The following CLDN19 variants were observed in gnomAD, a reference collection of about 807,000 sequenced individuals.
CLDN19 encodes the protein claudin 19.
In CLDN19, 19 loss-of-function variants were observed where a neutral mutation model predicts 24.5. The observed-to-expected ratio is 0.78, with a 90% CI of 0.54 to 1.14. The LOEUF (loss-of-function observed/expected upper bound fraction) is 1.14. Ranked by LOEUF, CLDN19 falls within the 50% of genes most tolerant of loss-of-function variation. The pLI, the probability that CLDN19 is intolerant of heterozygous loss-of-function variation, is 0.00. For missense variants in CLDN19, 250 were observed against 295.9 expected (o/e 0.84, Z 1.14); for synonymous variants, 117 against 129.6 (o/e 0.90, Z 0.66).
Position 42,740,048 on chromosome 1 carries a change from G to A in CLDN19, c.16C>T (p.Leu6Phe). 6.4e-7 allele frequency: 1 copy of A among 1,554,448 alleles called. No homozygotes were observed. Among genetic ancestry groups the A allele is most frequent in the South Asian group, 1.2e-5 (1 of 84,494 alleles). MANSG[L>F]QLLGYFLALG... ...GCCAAGAAGTAGCCCAGGAGCTGGA[G>A]GCCTGAGTTGGCCATGGCCCAGGAG... The change falls in exon 1 of 5, where the codon CTC becomes TTC. Residue 6 changes from leucine (L) to phenylalanine (F), a missense_variant. Transcript: ENST00000296387.
In CLDN19 at chr1:42,739,861, T is replaced by G. The variant is rs1434953393; in HGVS notation, c.203A>C (p.Asp68Ala). 1 of 1,612,680 alleles carries G rather than the reference T, an allele frequency of 6.2e-7. No homozygotes were observed. Among genetic ancestry groups the G allele is most frequent in the Non-Finnish European group, 8.5e-7 (1 of 1,179,802 alleles). ...CCTACCGTCCAGGGCGAGCAGCGAG[T>G]CGTAGAGCTTGCACTGCACTTGCCC... ...STGQVQCKLY[D>A]SLLALDGHIQ... The change falls in exon 1 of 5, where the codon GAC (aspartate) becomes GCC (alanine). Residue 68 changes from aspartate (D) to alanine (A), a missense_variant. By Grantham distance (126) the Asp-to-Ala change is moderately radical. Transcript: ENST00000296387.
chr1:42,735,289 G>A (rs1005324205), intron 4 of CLDN19, 155 bp from the exon 5 acceptor site: 13 of 1,523,140 alleles, frequency 8.5e-6, no homozygotes, highest in Non-Finnish European at 1.1e-5. Context: ...GGGGGCAGGG[G>A]CGCCATGGTC....
At chr1:42,736,421 C>A (rs574067071) in intron 3 of CLDN19, among the ~76,000 whole-genome samples, 1 of 152,238 alleles carries the variant, frequency 6.6e-6, no homozygotes, top group East Asian at 1.9e-4. Context: ...GAACTCCCAG[C>A]CAAGACTGCT....
chr1:42,735,275 T>A, intron 4 of CLDN19, 141 bp from the exon 5 acceptor site: 1 of 1,535,660 alleles, frequency 6.5e-7, no homozygotes. Context: ...TGGGGCCCAT[T>A]CCCGGGGGCA....
At position 42,739,934 on chromosome 1, in the gene CLDN19, C is replaced by G; in HGVS notation, c.130G>C (p.Val44Leu). 1 of 1,611,212 alleles carries G rather than the reference C, an allele frequency of 6.2e-7. No homozygotes were observed. The highest frequency in any genetic ancestry group is 1.1e-5 in the South Asian group (1 of 90,490). The change falls in exon 1 of 5, where the codon GTG becomes CTG. Residue 44 changes from valine (V) to leucine (L), a missense_variant. Coordinates refer to ENST00000296387, the MANE Select transcript of CLDN19 (RefSeq NM_148960.3). ...SYAGDAIITAVGLYEGLWMSC... is the reference protein window; with the variant it reads ...SYAGDAIITALGLYEGLWMSC... ...ATCCAGAGCCCTTCATAGAGGCCCA[C>G]GGCAGTGATGATGGCGTCGCCTGCG...
At chr1:42,737,073 T>C (rs539114871) in intron 3 of CLDN19, among the ~76,000 whole-genome samples, 31 of 152,362 alleles carry the variant, frequency 2.0e-4, no homozygotes, top group African/African-American at 7.0e-4. Context: ...TTGGGATGTC[T>C]AGGGTTAAGA....
intron 3 of CLDN19, among the ~76,000 whole-genome samples, chr1:42,737,610 G>A (rs1646421524): frequency 6.6e-6 from 1 of 152,240 alleles, no homozygotes; most frequent in South Asian, 2.1e-4. Flanking sequence ...CCATTTCACA[G>A]AGGAGGAAAC....
intron 1 of CLDN19, 119 bp downstream of exon 1, chr1:42,739,722 T>A (rs372216844): frequency 2.4e-6 from 2 of 847,528 alleles, no homozygotes; most frequent in East Asian, 5.3e-5. Flanking sequence ...GTGGGGGAAT[T>A]GTAGAGCGGA....
At chr1:42,738,967 C>T (rs2124047113) in intron 1 of CLDN19, among the ~76,000 whole-genome samples, 1 of 152,212 alleles carries the variant, frequency 6.6e-6, no homozygotes, top group East Asian at 1.9e-4. Flanking sequence ...ATCTGAGGCC[C>T]AGCTCAACTC....
chr1:42,735,530 C>T (rs1487739799), intron 4 of CLDN19: 40 of 1,417,150 alleles, frequency 2.8e-5, no homozygotes, highest in Admixed American at 5.8e-5. Context: ...GGGCCCAGCA[C>T]GTAGCAGACA....
intron 4 of CLDN19, 146 bp downstream of exon 4, chr1:42,735,729 GTGC>G: frequency 6.8e-7 from 1 of 1,472,486 alleles, no homozygotes. Context: ...TGCAGGGTGG[GTGC>G]TTGTGTTGAG....
Position 42,738,101 on chromosome 1 carries a change from C to T in CLDN19, c.473+128G>A, listed in dbSNP as rs1213152313. 9.3e-5 allele frequency: 79 copies of T among 849,874 alleles called. 2 individuals carry two copies. Among genetic ancestry groups the T allele is most frequent in the South Asian group, 5.5e-4 (39 of 71,072 alleles). The allele number at this position is 849,874 out of a possible 1,614,324, so 52.6% of individuals were successfully genotyped here. Reference sequence around the variant, plus strand: ...GAGGGCCCCACCACACTCCTCCTGGCGCCCCCCTTTAAAGCTTCTTGGACA... The same window carrying T: ...GAGGGCCCCACCACACTCCTCCTGGTGCCCCCCTTTAAAGCTTCTTGGACA... On this transcript the variant is annotated intron_variant, in intron 3 of 4. Transcript: ENST00000296387.
At position 42,734,815 on chromosome 1, in the gene CLDN19, T is replaced by C. The variant is rs1651300144; in HGVS notation, c.*271A>G. The C allele has an allele frequency of 1.6e-5, 7 of 439,512 alleles. No individual in the cohort carries two copies. Among genetic ancestry groups the C allele is most frequent in the South Asian group, 1.5e-4 (4 of 26,892 alleles). 27.2% of individuals were successfully genotyped at this position (439,512 alleles called of 1,614,324 possible). ...GCCAAGGCCAGGCTTGGGAGGGGGGTCCCTAGACAGAGGGTAGGACCTCTG... is the reference window on the plus strand; with the variant it reads ...GCCAAGGCCAGGCTTGGGAGGGGGGCCCCTAGACAGAGGGTAGGACCTCTG... On this transcript the variant is annotated 3_prime_UTR_variant, in exon 5 of 5. Coordinates refer to ENST00000296387, the MANE Select transcript of CLDN19 (RefSeq NM_148960.3).
At chr1:42,736,401 C>G (rs1227015569) in intron 3 of CLDN19, among the ~76,000 whole-genome samples, 1 of 151,788 alleles carries the variant, frequency 6.6e-6, no homozygotes, top group African/African-American at 2.4e-5. Flanking sequence ...CAGTCACATT[C>G]TGGCCCACAG....
Position 42,735,082 on chromosome 1 carries a change from G to C in CLDN19, c.*4C>G. The C allele has an allele frequency of 6.2e-7, 1 of 1,606,218 alleles. No individual in the cohort carries two copies. Among genetic ancestry groups the C allele is most frequent in the South Asian group, 1.1e-5 (1 of 90,902 alleles). ...GGGGACAGAGCCTGGCTGGGGACTGGACATTACACACCCAGGGGGCCCTTG... is the reference window on the plus strand; with the variant it reads ...GGGGACAGAGCCTGGCTGGGGACTGCACATTACACACCCAGGGGGCCCTTG... On this transcript the variant is annotated 3_prime_UTR_variant, in exon 5 of 5. Transcript: ENST00000296387.
rs1367075794 is a variant in CLDN19, at chr1:42,735,954, A to G, written c.550T>C (p.Cys184Arg). The G allele has an allele frequency of 7.6e-6, 12 of 1,577,368 alleles. No individual in the cohort carries two copies. Among genetic ancestry groups the G allele is most frequent in the Non-Finnish European group, 9.5e-6 (11 of 1,161,746 alleles). ...GGTCTCTCTGGCTCCGGGCATGTGCAGCAGAGGAAGGAGCCGCCCAGCACG... is the reference window on the plus strand; with the variant it reads ...GGTCTCTCTGGCTCCGGGCATGTGCGGCAGAGGAAGGAGCCGCCCAGCACG... ...LAVLGGSFLC[C>R]TCPEPERPNS... Residue 184 changes from cysteine (C) to arginine (R), a missense_variant, in exon 4 of 5, where the codon TGC becomes CGC. Cys to Arg is a radical substitution (Grantham distance 180, BLOSUM62 -3). Transcript: ENST00000296387.
intron 1 of CLDN19, 66 bp from the exon 2 acceptor site, chr1:42,738,651 C>A: frequency 1.3e-6 from 2 of 1,527,968 alleles, no homozygotes; most frequent in East Asian, 2.4e-5. Context: ...TGCCTGGGGT[C>A]GGTGGAAGGA....
At chr1:42,738,115 G>C (rs978467773) in intron 3 of CLDN19, 114 bp downstream of exon 3, 2 of 979,942 alleles carry the variant, frequency 2.0e-6, no homozygotes, top group Non-Finnish European at 3.3e-6. Flanking sequence ...CCCCTTTAAA[G>C]CTTCTTGGAC....
In CLDN19 at chr1:42,734,165, A is replaced by C. The variant is rs1368236439; in HGVS notation, c.*921T>G. On this transcript the variant is annotated 3_prime_UTR_variant, in exon 5 of 5. Transcript: ENST00000296387. Reference sequence around the variant, plus strand: ...ACTCTGGTTCAGGGAGATGTAGGACAAAGGACTCTGGCCTTGGGACTGATC... The same window carrying C: ...ACTCTGGTTCAGGGAGATGTAGGACCAAGGACTCTGGCCTTGGGACTGATC... 1 of 152,366 alleles carries C rather than the reference A, an allele frequency of 6.6e-6. No homozygotes were observed. Among genetic ancestry groups the C allele is most frequent in the East Asian group, 1.9e-4 (1 of 5,192 alleles). 9.4% of individuals were successfully genotyped at this position (152,366 alleles called of 1,614,324 possible). A position where few individuals can be genotyped will look rare whatever the true frequency, so the allele number is the denominator to read the frequency against.
Sources: gnomAD v4.1 joint callset for allele counts (sites outside exome capture counted in the v4.1 genomes callset) on GRCh38, gnomAD v4.1.1 for gene constraint, MANE v1.5 for transcripts, NCBI Gene and HGNC (gene_info 2026-07-23, HGNC 2026-07-21) for gene names.